GCN1: variants seen among roughly 807,000 people sequenced by gnomAD.
GCN1 encodes the protein GCN1 activator of EIF2AK4, also known as stalled ribosome sensor GCN1.
GCN1 carries 90 observed loss-of-function variants against 288.4 expected under a neutral mutation model. The observed-to-expected ratio is 0.31, with a 90% CI of 0.26 to 0.37. GCN1 has a LOEUF of 0.37. Among genes scored for constraint, GCN1 ranks in the 10% least tolerant of loss-of-function variants. The pLI, the probability that GCN1 is intolerant of heterozygous loss-of-function variation, is 1.00. For synonymous variants in GCN1, 1,386 were observed against 1,420.2 expected (o/e 0.98, Z 0.54); for missense variants, 2,586 against 3,419.9 (o/e 0.76, Z 6.08).
rs1417368274 is a variant in GCN1 at position 120,144,270 on chromosome 12, A to G, written c.5495+36T>C. 1 of 1,612,288 alleles carries G rather than the reference A, an allele frequency of 6.2e-7. No homozygotes were observed. The highest frequency in any genetic ancestry group is 2.2e-5 in the East Asian group (1 of 44,878). ...GGATTATAGGCATGAGCCACCACGC[A>G]TCATCCCCACTGGGTCTTTCTGCCC... is the stretch of plus-strand genomic sequence containing the variant. On this transcript the variant is annotated intron_variant, in intron 42 of 57. Transcript: ENST00000300648. This position sits in a 1 kb window ranked among gnomAD's most constrained non-coding sequence, Gnocchi z 4.7.
Position 120,162,876 on chromosome 12 carries a change from T to C in GCN1, c.2134A>G (p.Arg712Gly). 1.9e-6 allele frequency: 3 copies of C among 1,614,158 alleles called. No homozygotes were observed. Among genetic ancestry groups the C allele is most frequent in the Non-Finnish European group, 2.5e-6 (3 of 1,180,020 alleles). The change falls in exon 20 of 58, where the codon AGG (arginine) becomes GGG (glycine). Residue 712 changes from arginine to glycine, a missense_variant. Arg to Gly is a moderately radical substitution (Grantham distance 125). Coordinates refer to ENST00000300648, the MANE Select transcript of GCN1 (RefSeq NM_006836.2). ...ITRHLDQIIP[R>G]MTTQSPLNQS... is the part of the protein sequence containing the mutation. ...TTTAGGGGACTCTGTGTGGTCATCCTGGGAATGATCTGATCCAGGTGCCTG... is the reference window on the plus strand; with the variant it reads ...TTTAGGGGACTCTGTGTGGTCATCCCGGGAATGATCTGATCCAGGTGCCTG...
At chr12:120,141,159 C>T in intron 44 of GCN1, 136 bp from the exon 45 acceptor site, 1 of 727,628 alleles carries the variant, frequency 1.4e-6, no homozygotes, top group Non-Finnish European at 2.3e-6. Context: ...AATGCTCTTA[C>T]CCCTAAAGAG....
chr12:120,134,360 C>A lies in GCN1; in HGVS notation c.7248G>T (p.Gly2416=). ...QALRFVIQGA[G]AKVDAVIRKN... ...TCCGGATGACGGCATCCACTTTGGC[C>A]CCTGCTCCCTGAATCACAAACCTCA... Residue 2416 remains glycine, a synonymous_variant, in exon 53 of 58, where the codon GGG becomes GGT. Coordinates refer to ENST00000300648, the MANE Select transcript of GCN1 (RefSeq NM_006836.2). The surrounding 1 kb of genome is among the most constrained non-coding windows in gnomAD (Gnocchi z 5.0). The A allele has an allele frequency of 6.2e-7, 1 of 1,614,048 alleles. No individual in the cohort carries two copies.
At chr12:120,145,201 A>T in intron 39 of GCN1, 61 bp downstream of exon 39, 11 of 1,551,862 alleles carry the variant, frequency 7.1e-6, no homozygotes, top group Non-Finnish European at 9.7e-6. Flanking sequence ...AATTCTCAGG[A>T]ATCCATTTAT....
rs1264553649 is a variant in GCN1 at position 120,149,498 on chromosome 12, C to A, written c.4546+108G>T. On this transcript the variant is annotated intron_variant, in intron 36 of 57. Coordinates refer to ENST00000300648, the MANE Select transcript of GCN1 (RefSeq NM_006836.2). ...AAAAAGGCAGAGTCTTAACCCTATC[C>A]CTGGTCTGGGGAGCTCACAGGACAA... 3.9e-6 allele frequency: 3 copies of A among 762,792 alleles called. No homozygotes were observed. In the African/African-American group the frequency reaches 5.2e-5, roughly 13 times the overall value. 47.3% of individuals were successfully genotyped at this position (762,792 alleles called of 1,614,324 possible). A position where few individuals can be genotyped will look rare whatever the true frequency, so the allele number is the denominator to read the frequency against.
At position 120,145,303 on chromosome 12, in the gene GCN1, T is replaced by C; in HGVS notation, c.4975A>G (p.Thr1659Ala). 2 of 1,600,710 alleles carry C rather than the reference T, an allele frequency of 1.2e-6. No homozygotes were observed. Among genetic ancestry groups the C allele is most frequent in the Non-Finnish European group, 1.7e-6 (2 of 1,173,466 alleles). ...KDLAPYLPSV[T>A]PGLKASLLDP... ...AAAAGCGATGCTTTCAGGCCAGGCG[T>C]CACGCTGGGCAGGTACGGAGCCAAG... The change falls in exon 39 of 58, where the codon ACG becomes GCG. Residue 1659 changes from threonine (T) to alanine (A), a missense_variant. Transcript: ENST00000300648.
chr12:120,160,445 G>C, intron 22 of GCN1, 190 bp from the exon 23 acceptor site: 1 of 589,948 alleles, frequency 1.7e-6, no homozygotes, highest in South Asian at 2.0e-5. Context: ...CTATAGAATG[G>C]AGACAGCAAT....
At chr12:120,194,114 G>A (rs2136122782) in intron 1 of GCN1, among the ~76,000 whole-genome samples, 1 of 152,258 alleles carries the variant, frequency 6.6e-6, no homozygotes, top group Non-Finnish European at 1.5e-5. Context: ...TTATCTCACT[G>A]AACCTTCACA....
intron 22 of GCN1, among the ~76,000 whole-genome samples, chr12:120,160,548 G>C (rs1309195839): frequency 6.6e-6 from 1 of 152,204 alleles, no homozygotes; most frequent in African/African-American, 2.4e-5. Flanking sequence ...GTACTCAAAA[G>C]GGTATTCTGA....
Position 120,155,214 on chromosome 12 carries a change from T to G in GCN1, c.3630+27A>C. The G allele has an allele frequency of 6.2e-7, 1 of 1,608,438 alleles. No individual in the cohort carries two copies. Among genetic ancestry groups the G allele is most frequent in the South Asian group, 1.1e-5 (1 of 90,960 alleles). On this transcript the variant is annotated intron_variant, in intron 30 of 57. Coordinates refer to ENST00000300648, the MANE Select transcript of GCN1 (RefSeq NM_006836.2). The surrounding 1 kb of genome is among the most constrained non-coding windows in gnomAD (Gnocchi z 4.9). Reference sequence around the variant, plus strand: ...CCCACCCAACCGCACACACCCAGACTGCATCAGGGCTGCACAGGTCACTCA... The same window carrying G: ...CCCACCCAACCGCACACACCCAGACGGCATCAGGGCTGCACAGGTCACTCA...
chr12:120,153,986 G>A lies in GCN1; in HGVS notation c.3702-77C>T, dbSNP rs1000876962. 51 of 1,273,932 alleles carry A rather than the reference G, an allele frequency of 4.0e-5. No homozygotes were observed. The highest frequency in any genetic ancestry group is 2.1e-4 in the Middle Eastern group (1 of 4,814). The allele number at this position is 1,273,932 out of a possible 1,614,324, so 78.9% of individuals were successfully genotyped here. A position where few individuals can be genotyped will look rare whatever the true frequency, so the allele number is the denominator to read the frequency against. ...GCCAGTGGAACCTCTGCTGGTGCAC[G>A]GCAAGGAGAGGGAGCTTGCCTGAGG... On this transcript the variant is annotated intron_variant, in intron 31 of 57. Transcript: ENST00000300648. This position sits in a 1 kb window ranked among gnomAD's most constrained non-coding sequence, Gnocchi z 4.4.
At chr12:120,176,271 A>C (rs1594285008) in intron 9 of GCN1, 54 bp from the exon 10 acceptor site, 1 of 1,213,450 alleles carries the variant, frequency 8.2e-7, no homozygotes, top group Non-Finnish European at 1.2e-6. Context: ...AATTCAACAG[A>C]TAATTTTGTT....
intron 38 of GCN1, among the ~76,000 whole-genome samples, chr12:120,146,846 C>T (rs1483693176): frequency 6.6e-6 from 1 of 152,242 alleles, no homozygotes. Context: ...TGGGCCTCAG[C>T]TGAGAACTAA....
Position 120,153,210 on chromosome 12 carries a change from T to C in GCN1, c.4062+3A>G, listed in dbSNP as rs1877625199. On this transcript the variant is annotated splice_donor_region_variant and intron_variant, in intron 33 of 57. Transcript: ENST00000300648. The surrounding 1 kb of genome is among the most constrained non-coding windows in gnomAD (Gnocchi z 4.4). Reference sequence around the variant, plus strand: ...TGTGGGTCCCAGGCCAGATGGCAGGTACCTGCTGGGAGGGGGTGGAGAGGG... The same window carrying C: ...TGTGGGTCCCAGGCCAGATGGCAGGCACCTGCTGGGAGGGGGTGGAGAGGG... 1.9e-6 allele frequency: 3 copies of C among 1,613,292 alleles called. No homozygotes were observed. The African/African-American group carries it at 4.0e-5, about 22-fold the overall frequency.
rs141239587 is a variant in GCN1 at position 120,175,595 on chromosome 12, C to A, written c.1042+151G>T. On this transcript the variant is annotated intron_variant, in intron 11 of 57. Transcript: ENST00000300648. ...CACCCCGTGCACGGTTTTGTTCATT[C>A]ACACACATTCACATTCCAGTGTGAC... 270 of 804,068 alleles carry A rather than the reference C, an allele frequency of 3.4e-4. 1 individual carries two copies. In the East Asian group the frequency reaches 6.3e-3, roughly 19 times the overall value. 49.8% of individuals were successfully genotyped at this position (804,068 alleles called of 1,614,324 possible). A position where few individuals can be genotyped will look rare whatever the true frequency, so the allele number is the denominator to read the frequency against.
Position 120,144,481 on chromosome 12 carries a change from G to T in GCN1, c.5353-33C>A, listed in dbSNP as rs746168062. On this transcript the variant is annotated intron_variant, in intron 41 of 57. Coordinates refer to ENST00000300648, the MANE Select transcript of GCN1 (RefSeq NM_006836.2). This position sits in a 1 kb window ranked among gnomAD's most constrained non-coding sequence, Gnocchi z 4.7. Reference sequence around the variant, plus strand: ...CACAGAGGGTGGGTCAGCCAGAGCTGCCACCCCCAGGCCCCCAGCCCAAAA... The same window carrying T: ...CACAGAGGGTGGGTCAGCCAGAGCTTCCACCCCCAGGCCCCCAGCCCAAAA... 21 of 1,599,386 alleles carry T rather than the reference G, an allele frequency of 1.3e-5. No individual in the cohort carries two copies. Among genetic ancestry groups the T allele is most frequent in the Non-Finnish European group, 1.6e-5 (19 of 1,171,246 alleles).
chr12:120,171,423 C>T (rs1878310944), intron 14 of GCN1, among the ~76,000 whole-genome samples: 1 of 151,990 alleles, frequency 6.6e-6, no homozygotes, highest in East Asian at 1.9e-4. Flanking sequence ...GCTGAGATCG[C>T]ACCACTACAC....
In GCN1 at chr12:120,144,662, G is replaced by A; in HGVS notation, c.5329C>T (p.Pro1777Ser). ...FGDKFTPYVGPIIPCILKALA... is the reference protein window; with the variant it reads ...FGDKFTPYVGSIIPCILKALA... Reference sequence around the variant, plus strand: ...ACTTTGAGGATACAGGGGATGATGGGCCCCACATAAGGAGTAAACTTGTCT... The same window carrying A: ...ACTTTGAGGATACAGGGGATGATGGACCCCACATAAGGAGTAAACTTGTCT... Residue 1777 changes from proline (P) to serine (S), a missense_variant, in exon 41 of 58, where the codon CCC (proline) becomes TCC (serine). Coordinates refer to ENST00000300648, the MANE Select transcript of GCN1 (RefSeq NM_006836.2). This position sits in a 1 kb window ranked among gnomAD's most constrained non-coding sequence, Gnocchi z 4.7. The A allele has an allele frequency of 1.2e-6, 2 of 1,613,862 alleles. No individual in the cohort carries two copies. Among genetic ancestry groups the A allele is most frequent in the Non-Finnish European group, 1.7e-6 (2 of 1,179,724 alleles).
intron 15 of GCN1, among the ~76,000 whole-genome samples, chr12:120,169,297 A>AAAAAAAAAAAAAG (rs1878241299): frequency 2.6e-5 from 2 of 77,352 alleles, no homozygotes; most frequent in South Asian, 3.8e-4. Context: ...AAAAAAAAAG[A>AAAAAAAAAAAAAG]AAAAAAAAAA....
Sources: allele counts gnomAD v4.1 joint callset (sites outside exome capture counted in the v4.1 genomes callset), GRCh38; gene constraint gnomAD v4.1.1; non-coding constraint Gnocchi (gnomAD v3.1); transcripts MANE v1.5; gene names NCBI Gene and HGNC (gene_info 2026-07-23, HGNC 2026-07-21).